Variants in KBTBD11 observed in about 807,000 individuals in gnomAD.
KBTBD11 encodes the protein kelch repeat and BTB domain-containing protein 11.
For synonymous variants in KBTBD11, 747 were observed against 499.0 expected, an observed-to-expected ratio of 1.50 and a Z score of -6.63; for missense variants, 1,390 against 1,001.8, an observed-to-expected ratio of 1.39 and a Z score of -5.23.
intron 1 of KBTBD11, among the ~76,000 whole-genome samples, chr8:1,994,536 T>A (rs2129314138): frequency 6.6e-6 from 1 of 152,328 alleles, no homozygotes; most frequent in South Asian, 2.1e-4. Context: ...CTCTGCCCCT[T>A]AAAACTGCAT....
At chr8:1,997,313 GT>G (rs1817178638) in intron 1 of KBTBD11, among the ~76,000 whole-genome samples, 1 of 151,914 alleles carries the variant, frequency 6.6e-6, no homozygotes, top group Non-Finnish European at 1.5e-5. Flanking sequence ...AGTCACCGCG[GT>G]TGCTGATGCC....
At position 2,004,130 on chromosome 8, in the gene KBTBD11, A is replaced by G. The variant is rs1038769980; in HGVS notation, c.*1066A>G. On this transcript the variant is annotated 3_prime_UTR_variant, in exon 2 of 2. Coordinates refer to ENST00000320248, the MANE Select transcript of KBTBD11 (RefSeq NM_014867.3). The stretch of plus-strand genomic sequence containing the variant: ...TAAGTGTGGCCGAGTGACAGTGGGC[A>G]TAGATTTATAACAAGGAAGTGACGT... The G allele has an allele frequency of 1.8e-5, 3 of 167,018 alleles. No homozygotes were observed. The highest frequency in any genetic ancestry group is 7.2e-5 in the African/African-American group (3 of 41,464). 10.3% of individuals were successfully genotyped at this position (167,018 alleles called of 1,614,324 possible).
At chr8:1,981,944 C>G (rs1816553737) in intron 1 of KBTBD11, among the ~76,000 whole-genome samples, 2 of 152,170 alleles carry the variant, frequency 1.3e-5, no homozygotes, top group South Asian at 4.1e-4. Flanking sequence ...GGATTCTCAG[C>G]CTCAATAACT....
At chr8:1,981,738 C>T (rs1816547417) in intron 1 of KBTBD11, among the ~76,000 whole-genome samples, 1 of 152,238 alleles carries the variant, frequency 6.6e-6, no homozygotes, top group Non-Finnish European at 1.5e-5. Flanking sequence ...CCGTCTTCTT[C>T]TGCCCTTGGA....
intron 1 of KBTBD11, among the ~76,000 whole-genome samples, chr8:1,998,219 C>G (rs1817215253): frequency 6.6e-6 from 1 of 152,160 alleles, no homozygotes; most frequent in Non-Finnish European, 1.5e-5. Context: ...TCCTGAAGAG[C>G]TCAAGCATTT....
intron 1 of KBTBD11, among the ~76,000 whole-genome samples, chr8:1,984,236 G>A (rs1343299479): frequency 1.3e-5 from 2 of 151,924 alleles, no homozygotes; most frequent in East Asian, 1.9e-4. Context: ...CTGGGAGTTC[G>A]GGACCAGCCT....
intron 1 of KBTBD11, among the ~76,000 whole-genome samples, chr8:1,996,017 C>T (rs1328986034): frequency 3.3e-5 from 5 of 152,298 alleles, no homozygotes; most frequent in Middle Eastern, 3.4e-3. Flanking sequence ...GAGCAAGACC[C>T]TGTCTCAAAA....
intron 1 of KBTBD11, among the ~76,000 whole-genome samples, chr8:1,997,471 T>C (rs1386513525): frequency 2.0e-5 from 3 of 152,052 alleles, no homozygotes; most frequent in Non-Finnish European, 2.9e-5. Flanking sequence ...GGCCTCCTGC[T>C]TAACCTCATT....
Position 1,973,823 on chromosome 8 carries a change from G to A in KBTBD11, c.-1021G>A, listed in dbSNP as rs1244295660. 3.1e-6 allele frequency: 3 copies of A among 983,304 alleles called. No individual in the cohort carries two copies. Among genetic ancestry groups the A allele is most frequent in the Admixed American group, 6.2e-5 (1 of 16,104 alleles). 60.9% of individuals were successfully genotyped at this position (983,304 alleles called of 1,614,324 possible). On this transcript the variant is annotated 5_prime_UTR_variant, in exon 1 of 2. Coordinates refer to ENST00000320248, the MANE Select transcript of KBTBD11 (RefSeq NM_014867.3). ...CAGCTCCCGCTCGCAGGTGCTCGGA[G>A]AGGCCGGGCCGCGGCTCCCACAGGT...
chr8:1,983,949 G>A (rs982053395), intron 1 of KBTBD11, among the ~76,000 whole-genome samples: 2 of 152,148 alleles, frequency 1.3e-5, no homozygotes, highest in African/African-American at 4.8e-5. Flanking sequence ...GGCCAACAAG[G>A]TGAAGCTCCG....
chr8:1,991,682 G>T (rs900328593), intron 1 of KBTBD11, among the ~76,000 whole-genome samples: 1 of 152,054 alleles, frequency 6.6e-6, no homozygotes, highest in Admixed American at 6.5e-5. Flanking sequence ...GCCCAGCCAG[G>T]ATCCCGAGGC....
chr8:1,995,242 T>C (rs868753383), intron 1 of KBTBD11, among the ~76,000 whole-genome samples: 1 of 152,066 alleles, frequency 6.6e-6, no homozygotes, highest in Non-Finnish European at 1.5e-5. Flanking sequence ...TTGCTTACAA[T>C]TGGCTTTAGT....
chr8:1,977,859 C>A (rs1330328248), intron 1 of KBTBD11, among the ~76,000 whole-genome samples: 1 of 152,092 alleles, frequency 6.6e-6, no homozygotes, highest in African/African-American at 2.4e-5. Context: ...TTTTAAAATT[C>A]TTACAATAGT....
In KBTBD11 at chr8:1,976,396, T is replaced by G. The variant is rs1243871782; in HGVS notation, c.-909+2461T>G. Reference sequence around the variant, plus strand: ...ATGAGCAAAAACTTTAAGAATAAATTAAAGCATCTAGTTTACTTTTTGCCA... The same window carrying G: ...ATGAGCAAAAACTTTAAGAATAAATGAAAGCATCTAGTTTACTTTTTGCCA... On this transcript the variant is annotated intron_variant, in intron 1 of 1. Transcript: ENST00000320248. The G allele has an allele frequency of 2.0e-5, 3 of 152,326 alleles. No homozygotes were observed. In the South Asian group the frequency reaches 6.2e-4, roughly 32 times the overall value. 9.4% of individuals were successfully genotyped at this position (152,326 alleles called of 1,614,324 possible). A position where few individuals can be genotyped will look rare whatever the true frequency, so the allele number is the denominator to read the frequency against.
chr8:1,994,606 C>G (rs1817062698), intron 1 of KBTBD11, among the ~76,000 whole-genome samples: 1 of 152,226 alleles, frequency 6.6e-6, no homozygotes, highest in African/African-American at 2.4e-5. Context: ...ACCTCCCTCC[C>G]AGAAGGCTCC....
At chr8:1,992,441 G>T (rs1324025427) in intron 1 of KBTBD11, among the ~76,000 whole-genome samples, 1 of 152,036 alleles carries the variant, frequency 6.6e-6, no homozygotes, top group African/African-American at 2.4e-5. Flanking sequence ...GAGCTCGGTG[G>T]AGGCTTTTTC....
intron 1 of KBTBD11, among the ~76,000 whole-genome samples, chr8:1,992,347 G>A (rs114348970): frequency 6.6e-6 from 1 of 152,158 alleles, no homozygotes; most frequent in African/African-American, 2.4e-5. Flanking sequence ...ATTCCTCCAC[G>A]TGACCCACAC....
At chr8:1,990,556 C>T (rs1816878414) in intron 1 of KBTBD11, among the ~76,000 whole-genome samples, 1 of 30,546 alleles carries the variant, frequency 3.3e-5, no homozygotes, top group South Asian at 1.3e-3. Flanking sequence ...GCCTTGGCGC[C>T]CTGTCCGGGT....
In KBTBD11 at chr8:2,002,864, C is replaced by T. The variant is rs536678540; in HGVS notation, c.1672C>T (p.Leu558=). 762 of 1,367,474 alleles carry T rather than the reference C, an allele frequency of 5.6e-4. 1 individual carries two copies. In the African/African-American group the frequency reaches 9.9e-3, roughly 18 times the overall value. 84.7% of individuals were successfully genotyped at this position (1,367,474 alleles called of 1,614,324 possible). Residue 558 remains leucine (L), a synonymous_variant, in exon 2 of 2, where the codon CTG becomes TTG. Coordinates refer to ENST00000320248, the MANE Select transcript of KBTBD11 (RefSeq NM_014867.3). The surrounding 1 kb of genome is among the most constrained non-coding windows in gnomAD (Gnocchi z 4.1). ...TGLQPFRCAA[L]DGAIYCVSRA... is the part of the protein sequence containing the mutation. ...CCTGCAGCCCTTCCGCTGCGCCGCC[C>T]TGGACGGCGCCATCTACTGCGTGAG...
Sources: gnomAD v4.1 joint callset for allele counts (sites outside exome capture counted in the v4.1 genomes callset) on GRCh38, gnomAD v4.1.1 for gene constraint, Gnocchi (gnomAD v3.1) non-coding constraint, MANE v1.5 for transcripts, NCBI Gene and HGNC (gene_info 2026-07-23, HGNC 2026-07-21) for gene names.